Variants in FMN2 observed in about 807,000 individuals in gnomAD.
The protein encoded by FMN2 is formin 2, also known as formin-2.
A neutral mutation model predicts 142.3 loss-of-function variants in FMN2; 51 were observed. The ratio of observed to expected loss-of-function variants is 0.36; its 90% CI spans 0.29 to 0.45. The LOEUF (loss-of-function observed/expected upper bound fraction) is 0.45. FMN2 is among the 20% of genes least tolerant of loss of function. FMN2 has a pLI of 1.00. For missense variants in FMN2, 1,936 were observed against 2,122.8 expected (o/e 0.91, Z 1.73); for synonymous variants, 882 against 869.8 (o/e 1.01, Z -0.25).
chr1:240,315,828 TAG>T (rs1670763294), intron 8 of FMN2, among the ~76,000 whole-genome samples: 2 of 152,220 alleles, frequency 1.3e-5, no homozygotes, highest in East Asian at 3.8e-4. Context: ...GATCAACAAG[TAG>T]TATATAGACC....
At chr1:240,369,486 G>A (rs944349986) in intron 14 of FMN2, among the ~76,000 whole-genome samples, 2 of 151,812 alleles carry the variant, frequency 1.3e-5, no homozygotes, top group African/African-American at 2.4e-5. Context: ...ATATTATGCC[G>A]CCTTCTAAGA....
At chr1:240,253,765 C>A (rs768726571) in intron 6 of FMN2, among the ~76,000 whole-genome samples, 64 of 152,220 alleles carry the variant, frequency 4.2e-4, no homozygotes, top group African/African-American at 1.5e-3. Flanking sequence ...GGACTTTTTC[C>A]TGAAGATGTA....
At position 240,473,797 on chromosome 1, in the gene FMN2, T is replaced by C. The variant is rs1376105138; in HGVS notation, c.5143-331T>C. ...TAATTAGAGTACATTTACCATGAAG[T>C]GAAGCAGCCACTTCAGTTTTCATAT... On this transcript the variant is annotated intron_variant, in intron 17 of 17. Coordinates refer to ENST00000319653, the MANE Select transcript of FMN2 (RefSeq NM_020066.5). This position sits in a 1 kb window ranked among gnomAD's most constrained non-coding sequence, Gnocchi z 4.3. 6.6e-6 allele frequency among the ~76,000 whole-genome samples: 1 copy of C among 152,190 alleles called. No individual in the cohort carries two copies.
At chr1:240,449,756 A>G (rs1236321111) in intron 16 of FMN2, among the ~76,000 whole-genome samples, 1 of 152,168 alleles carries the variant, frequency 6.6e-6, no homozygotes, top group Non-Finnish European at 1.5e-5. Context: ...AAATCATTAC[A>G]TATATATGCT....
chr1:240,136,233 A>G (rs1331801357), intron 2 of FMN2, among the ~76,000 whole-genome samples: 1 of 152,184 alleles, frequency 6.6e-6, no homozygotes, highest in Admixed American at 6.5e-5. Flanking sequence ...TTCAGAGGGC[A>G]AAACGGGTGA....
At chr1:240,193,829 T>G (rs1665808124) in intron 4 of FMN2, among the ~76,000 whole-genome samples, 1 of 152,224 alleles carries the variant, frequency 6.6e-6, no homozygotes, top group South Asian at 2.1e-4. Flanking sequence ...CAGAGTTATC[T>G]TTCTAAAATC....
chr1:240,442,771 T>C (rs977817102), intron 16 of FMN2, among the ~76,000 whole-genome samples: 1 of 152,254 alleles, frequency 6.6e-6, no homozygotes, highest in African/African-American at 2.4e-5. Context: ...ATTTGGTTGA[T>C]ATATTTCTCA....
chr1:240,178,932 T>C (rs1326869073), intron 3 of FMN2, among the ~76,000 whole-genome samples: 1 of 152,102 alleles, frequency 6.6e-6, no homozygotes, highest in Admixed American at 6.6e-5. Flanking sequence ...TCTCATTGGC[T>C]CATAGAGAGG....
At chr1:240,354,480 C>G (rs1403861075) in intron 13 of FMN2, among the ~76,000 whole-genome samples, 3 of 152,154 alleles carry the variant, frequency 2.0e-5, no homozygotes, top group African/African-American at 7.2e-5. Context: ...TATGTTGAGT[C>G]TGGAGCTATG....
intron 14 of FMN2, among the ~76,000 whole-genome samples, chr1:240,364,695 AC>A (rs988426331): frequency 6.6e-6 from 1 of 152,072 alleles, no homozygotes; most frequent in Admixed American, 6.6e-5. Flanking sequence ...GTCCCTAACC[AC>A]CGCCTCCTGC....
At chr1:240,218,965 TA>T (rs1240362297) in intron 6 of FMN2, among the ~76,000 whole-genome samples, 1 of 152,132 alleles carries the variant, frequency 6.6e-6, no homozygotes, top group South Asian at 2.1e-4. Flanking sequence ...GGACTTGGGA[TA>T]AAGGCTGTGT....
At chr1:240,410,856 A>T (rs1489751777) in intron 15 of FMN2, among the ~76,000 whole-genome samples, 1 of 152,198 alleles carries the variant, frequency 6.6e-6, no homozygotes, top group Non-Finnish European at 1.5e-5. Flanking sequence ...AATTAGTACC[A>T]CAAGGCTGAT....
chr1:240,178,499 G>T (rs897760479), intron 3 of FMN2, among the ~76,000 whole-genome samples: 3 of 147,410 alleles, frequency 2.0e-5, no homozygotes, highest in Non-Finnish European at 4.5e-5. Flanking sequence ...AGGCTAGAGT[G>T]CAGTGGAGCA....
intron 14 of FMN2, among the ~76,000 whole-genome samples, chr1:240,379,603 C>A (rs1364052149): frequency 6.6e-6 from 1 of 151,988 alleles, no homozygotes; most frequent in Non-Finnish European, 1.5e-5. Flanking sequence ...AGACAGAAAT[C>A]TAGGAAGATT....
chr1:240,093,492 C>A lies in FMN2; in HGVS notation c.1383C>A (p.Ser461=), dbSNP rs1336736225. 2 of 1,598,644 alleles carry A rather than the reference C, an allele frequency of 1.3e-6. No individual in the cohort carries two copies. The highest frequency in any genetic ancestry group is 1.1e-5 in the South Asian group (1 of 89,324). ...LSRGSRTALA[S]VAAPAKKHRA... ...GAGGGTCCAGAACTGCCCTGGCCTCCGTAGCCGCCCCGGCCAAGAAGCACC... is the reference window on the plus strand; with the variant it reads ...GAGGGTCCAGAACTGCCCTGGCCTCAGTAGCCGCCCCGGCCAAGAAGCACC... Residue 461 remains serine, a synonymous_variant, in exon 1 of 18, where the codon TCC becomes TCA. Coordinates refer to ENST00000319653, the MANE Select transcript of FMN2 (RefSeq NM_020066.5).
At chr1:240,217,492 A>G (rs1298143216) in intron 6 of FMN2, among the ~76,000 whole-genome samples, 1 of 152,184 alleles carries the variant, frequency 6.6e-6, no homozygotes, top group Non-Finnish European at 1.5e-5. Context: ...GGGATACATA[A>G]TAAACATTTG....
At chr1:240,456,931 C>G (rs755675890) in intron 16 of FMN2, among the ~76,000 whole-genome samples, 3 of 152,172 alleles carry the variant, frequency 2.0e-5, no homozygotes, top group Non-Finnish European at 4.4e-5. Context: ...ATTTAAGGTT[C>G]GCTATGAAGA....
intron 7 of FMN2, among the ~76,000 whole-genome samples, chr1:240,274,575 G>A (rs1260508670): frequency 6.6e-6 from 1 of 152,070 alleles, no homozygotes; most frequent in African/African-American, 2.4e-5. Context: ...ACTAACAGAG[G>A]GTTTAGGTAG....
chr1:240,362,105 G>A (rs1334965733), intron 14 of FMN2, among the ~76,000 whole-genome samples: 13 of 152,172 alleles, frequency 8.5e-5, no homozygotes, highest in Admixed American at 5.9e-4. Flanking sequence ...ATAAGCAGAC[G>A]CTGATTTTCT....
Sources: gnomAD v4.1 joint callset for allele counts (sites outside exome capture counted in the v4.1 genomes callset) on GRCh38, gnomAD v4.1.1 for gene constraint, Gnocchi (gnomAD v3.1) non-coding constraint, MANE v1.5 for transcripts, NCBI Gene and HGNC (gene_info 2026-07-23, HGNC 2026-07-21) for gene names.